Variants in PDE9A observed in about 807,000 individuals in gnomAD.
PDE9A encodes the protein phosphodiesterase 9A, also known as high affinity cGMP-specific 3',5'-cyclic phosphodiesterase 9A.
PDE9A carries 60 observed loss-of-function variants against 87.4 expected under a neutral mutation model. That is an observed-to-expected ratio of 0.69 (90% CI 0.56 to 0.85). The LOEUF (loss-of-function observed/expected upper bound fraction) is 0.85. PDE9A is among the 40% of genes least tolerant of loss of function. The pLI is 0.00. For missense variants in PDE9A, 665 were observed against 779.0 expected, an observed-to-expected ratio of 0.85 and a Z score of 1.74; for synonymous variants, 272 against 279.4, an observed-to-expected ratio of 0.97 and a Z score of 0.27.
In PDE9A at chr21:42,661,584, G is replaced by C. The variant is rs117032493; in HGVS notation, c.69+7701G>C. ...CCGAATTTCCTGCCTTTTTAAGGCC[G>C]AGCGGTATTCCATTGTGTGCGTGGA... On this transcript the variant is annotated intron_variant, in intron 1 of 19. Transcript: ENST00000291539. Among the ~76,000 whole-genome samples, 242 of 152,236 alleles carry C rather than the reference G, an allele frequency of 1.6e-3. 1 individual carries two copies. Among genetic ancestry groups the C allele is most frequent in the East Asian group, 5.4e-3 (28 of 5,172 alleles).
intron 1 of PDE9A, among the ~76,000 whole-genome samples, chr21:42,673,153 G>A (rs1289920940): frequency 6.6e-6 from 1 of 152,184 alleles, no homozygotes; most frequent in Admixed American, 6.5e-5. Context: ...TGCAGCCGAA[G>A]AATCAGAGCC....
chr21:42,658,577 A>T (rs912001991), intron 1 of PDE9A, among the ~76,000 whole-genome samples: 1 of 152,178 alleles, frequency 6.6e-6, no homozygotes, highest in African/African-American at 2.4e-5. Flanking sequence ...CTCAGCCCAC[A>T]CGCGCAGTGC....
chr21:42,674,413 C>T, intron 1 of PDE9A, among the ~76,000 whole-genome samples: 1 of 151,290 alleles, frequency 6.6e-6, no homozygotes, highest in East Asian at 1.9e-4. Context: ...AGTCCTGGCC[C>T]TTGGGGAGTG....
chr21:42,659,499 G>A lies in PDE9A; in HGVS notation c.69+5616G>A, dbSNP rs141448901. 8.6e-4 allele frequency among the ~76,000 whole-genome samples: 131 copies of A among 152,328 alleles called. No individual in the cohort carries two copies. The highest frequency in any genetic ancestry group is 2.9e-3 in the African/African-American group (119 of 41,580). Reference sequence around the variant, plus strand: ...AGGCTCACTGTGCAGTCCACGCGGAGCAATGGGGTGAAGTTTCCAGAGCAG... The same window carrying A: ...AGGCTCACTGTGCAGTCCACGCGGAACAATGGGGTGAAGTTTCCAGAGCAG... On this transcript the variant is annotated intron_variant, in intron 1 of 19. Transcript: ENST00000291539. This position sits in a 1 kb window ranked among gnomAD's most constrained non-coding sequence, Gnocchi z 4.1.
At chr21:42,679,425 C>T (rs1465902549) in intron 1 of PDE9A, among the ~76,000 whole-genome samples, 1 of 146,122 alleles carries the variant, frequency 6.8e-6, no homozygotes, top group African/African-American at 2.5e-5. Flanking sequence ...TCTCAGAAAT[C>T]CCTTTACTTG....
intron 1 of PDE9A, among the ~76,000 whole-genome samples, chr21:42,683,701 C>T (rs908556222): frequency 3.9e-5 from 6 of 152,204 alleles, no homozygotes; most frequent in African/African-American, 1.4e-4. Context: ...CAAGAGACTG[C>T]GATTCCGTAA....
chr21:42,750,839 C>T (rs2054345443), intron 8 of PDE9A, among the ~76,000 whole-genome samples: 1 of 152,166 alleles, frequency 6.6e-6, no homozygotes, highest in South Asian at 2.1e-4. Flanking sequence ...CCCGCCTCGA[C>T]TTCCCAAAGT....
intron 1 of PDE9A, among the ~76,000 whole-genome samples, chr21:42,673,697 C>G (rs1250741301): frequency 6.6e-6 from 1 of 152,162 alleles, no homozygotes; most frequent in Non-Finnish European, 1.5e-5. Context: ...CAGCTATAGG[C>G]TCACATTAGT....
In PDE9A at chr21:42,751,132, A is replaced by C; in HGVS notation, c.670A>C (p.Lys224Gln). The stretch of plus-strand genomic sequence containing the variant: ...TCTCTCTAGGACCAACTGCCCCTGT[A>C]AGTACAGTTTTTTGGATAACCACAA... ...ARSSRTNCPC[K>Q]YSFLDNHKKL... Residue 224 changes from lysine to glutamine, a missense_variant, in exon 9 of 20, where the codon AAG becomes CAG. By Grantham distance (53) the Lys-to-Gln change is moderately conservative. Coordinates refer to ENST00000291539, the MANE Select transcript of PDE9A (RefSeq NM_002606.3). 3 of 1,610,128 alleles carry C rather than the reference A, an allele frequency of 1.9e-6. No individual in the cohort carries two copies. The highest frequency in any genetic ancestry group is 2.6e-6 in the Non-Finnish European group (3 of 1,176,384).
intron 4 of PDE9A, among the ~76,000 whole-genome samples, chr21:42,706,027 G>A (rs1304875754): frequency 6.6e-6 from 1 of 152,204 alleles, no homozygotes. Context: ...GTGCGTGCTT[G>A]AGCTTCTGCA....
At position 42,754,038 on chromosome 21, in the gene PDE9A, G is replaced by A. The variant is rs1248940040; in HGVS notation, c.784G>A (p.Asp262Asn). 6.2e-7 allele frequency: 1 copy of A among 1,613,258 alleles called. No homozygotes were observed. The highest frequency in any genetic ancestry group is 8.5e-7 in the Non-Finnish European group (1 of 1,179,542). The change falls in exon 10 of 20, where the codon GAC becomes AAC. Residue 262 changes from aspartate (D) to asparagine (N), a missense_variant. Asp to Asn is a conservative substitution (Grantham distance 23). Transcript: ENST00000291539. ...TIEALRKPTF[D>N]VWLWEPNEML... ...CGAGGCCCTGCGGAAGCCGACCTTT[G>A]ACGTCTGGCTTTGGGAGCCCAATGA...
At chr21:42,761,530 C>G (rs1207029649) in intron 13 of PDE9A, among the ~76,000 whole-genome samples, 2 of 152,102 alleles carry the variant, frequency 1.3e-5, no homozygotes, top group Non-Finnish European at 2.9e-5. Flanking sequence ...CGCAGCAGCT[C>G]TCTCTGTTGA....
chr21:42,735,672 A>G (rs373804688), intron 7 of PDE9A, among the ~76,000 whole-genome samples: 29 of 152,302 alleles, frequency 1.9e-4, no homozygotes, highest in South Asian at 1.9e-3. Context: ...AGTCTCTCTC[A>G]GCTAGGTCTT....
At chr21:42,772,100 C>T (rs996185358) in intron 18 of PDE9A, among the ~76,000 whole-genome samples, 89 of 152,254 alleles carry the variant, frequency 5.8e-4, no homozygotes, top group African/African-American at 2.0e-3. Context: ...TGCCTTCCCC[C>T]CTGTCAGCCC....
intron 1 of PDE9A, among the ~76,000 whole-genome samples, chr21:42,665,835 G>A (rs576057106): frequency 1.7e-4 from 26 of 152,334 alleles, no homozygotes; most frequent in South Asian, 6.2e-4. Flanking sequence ...CCCGTGAGAG[G>A]GCGTTGCTCG....
intron 18 of PDE9A, among the ~76,000 whole-genome samples, chr21:42,771,553 C>T (rs1335817959): frequency 1.3e-5 from 2 of 152,242 alleles, no homozygotes; most frequent in African/African-American, 2.4e-5. Flanking sequence ...CCCCCGCTCC[C>T]CACAGTGCCA....
At chr21:42,752,553 G>A (rs553662176) in intron 9 of PDE9A, among the ~76,000 whole-genome samples, 2 of 152,346 alleles carry the variant, frequency 1.3e-5, no homozygotes, top group Admixed American at 1.3e-4. Flanking sequence ...ACAGGCGTAA[G>A]CCAGCCCAGC....
intron 3 of PDE9A, among the ~76,000 whole-genome samples, chr21:42,693,462 C>G (rs1341334675): frequency 6.6e-6 from 1 of 151,784 alleles, no homozygotes; most frequent in Non-Finnish European, 1.5e-5. Context: ...CCACGCCCAG[C>G]TAATTTTTTG....
chr21:42,745,231 G>T (rs1424510982), intron 8 of PDE9A, among the ~76,000 whole-genome samples: 1 of 152,230 alleles, frequency 6.6e-6, no homozygotes, highest in Non-Finnish European at 1.5e-5. Context: ...CTGGCCTCGG[G>T]GTGGGCGCAG....
Sources: allele counts gnomAD v4.1 joint callset (sites outside exome capture counted in the v4.1 genomes callset), GRCh38; gene constraint gnomAD v4.1.1; non-coding constraint Gnocchi (gnomAD v3.1); transcripts MANE v1.5; gene names NCBI Gene and HGNC (gene_info 2026-07-23, HGNC 2026-07-21).